Variants in VPS16 observed in about 807,000 individuals in gnomAD.
VPS16 encodes the protein VPS16 core subunit of CORVET and HOPS complexes, also known as vacuolar protein sorting-associated protein 16 homolog.
A neutral mutation model predicts 116.0 loss-of-function variants in VPS16; 82 were observed. The ratio of observed to expected loss-of-function variants is 0.71; its 90% CI spans 0.59 to 0.85. VPS16 has a LOEUF of 0.85. Ranked by LOEUF, VPS16 falls within the 40% of genes least tolerant of loss-of-function variation. The probability of loss-of-function intolerance (pLI) is 0.00; values close to 1 mark genes in which losing one functional copy is unlikely to be tolerated. For synonymous variants in VPS16, 406 were observed against 420.7 expected, an observed-to-expected ratio of 0.96 and a Z score of 0.43; for missense variants, 928 against 1,090.6, an observed-to-expected ratio of 0.85 and a Z score of 2.10.
At chr20:2,850,513 C>T (rs1196817219) in intron 1 of VPS16, among the ~76,000 whole-genome samples, 1 of 151,934 alleles carries the variant, frequency 6.6e-6, no homozygotes, top group African/African-American at 2.4e-5. Context: ...GTAGTTCCAG[C>T]TACTTGGGAG....
chr20:2,852,285 C>T (rs937902344), intron 1 of VPS16, among the ~76,000 whole-genome samples: 3 of 152,108 alleles, frequency 2.0e-5, no homozygotes, highest in Non-Finnish European at 4.4e-5. Flanking sequence ...GTGCAGTGTC[C>T]TTCCAGCGCC....
In VPS16 at chr20:2,860,709, C is replaced by G. The variant is rs770869693; in HGVS notation, c.515-39C>G. ...GACCCATAGAAACAGAAACGGTGGG[C>G]CTTGGTCATCCTAACACTGTCCTTT... On this transcript the variant is annotated intron_variant, in intron 5 of 23. Transcript: ENST00000380445. The surrounding 1 kb of genome is among the most constrained non-coding windows in gnomAD (Gnocchi z 6.1). 3 of 1,612,390 alleles carry G rather than the reference C, an allele frequency of 1.9e-6. No individual in the cohort carries two copies. In the Admixed American group the frequency reaches 5.0e-5, roughly 27 times the overall value.
At chr20:2,857,627 A>T (rs1349666750) in intron 1 of VPS16, among the ~76,000 whole-genome samples, 1 of 151,850 alleles carries the variant, frequency 6.6e-6, no homozygotes, top group Non-Finnish European at 1.5e-5. Flanking sequence ...CTCCTGCCTT[A>T]GCCTTCTGAG....
intron 1 of VPS16, among the ~76,000 whole-genome samples, chr20:2,856,849 A>G (rs959257070): frequency 6.6e-6 from 1 of 152,156 alleles, no homozygotes; most frequent in Non-Finnish European, 1.5e-5. Flanking sequence ...AGTTTTAATT[A>G]ATTTTATATA....
At chr20:2,854,569 G>A (rs965984860) in intron 1 of VPS16, among the ~76,000 whole-genome samples, 4 of 151,980 alleles carry the variant, frequency 2.6e-5, no homozygotes, top group Admixed American at 2.0e-4. Flanking sequence ...TGAGGCAGGC[G>A]AATCACTTGA....
Position 2,863,839 on chromosome 20 carries a change from AGAAGGAAGGGAG to A in VPS16, c.1477-108_1477-97del. 7.0e-7 allele frequency: 1 copy of A among 1,421,208 alleles called. No individual in the cohort carries two copies. The highest frequency in any genetic ancestry group is 1.4e-5 in the South Asian group (1 of 73,682). The allele number at this position is 1,421,208 out of a possible 1,614,324, so 88.0% of individuals were successfully genotyped here. ...GAAGAAAGAGAGAAAGAAAGAAAGA[AGAAGGAAGGGAG>A]GGAGGAAGGGAACTGAAGGGGTGGG... On this transcript the variant is annotated intron_variant, in intron 15 of 23. Coordinates refer to ENST00000380445, the MANE Select transcript of VPS16 (RefSeq NM_022575.4). The surrounding 1 kb of genome is among the most constrained non-coding windows in gnomAD (Gnocchi z 4.4).
chr20:2,862,899 G>A lies in VPS16; in HGVS notation c.1296G>A (p.Arg432=). The A allele has an allele frequency of 6.2e-7, 1 of 1,614,070 alleles. No homozygotes were observed. Among genetic ancestry groups the A allele is most frequent in the Non-Finnish European group, 8.5e-7 (1 of 1,180,010 alleles). The stretch of plus-strand genomic sequence containing the variant: ...ACCTGCGTGTGCTCAATGCTGTTCG[G>A]GACTATCACATCGGGATCCCGCTCA... The part of the protein sequence containing the change: ...CQDLRVLNAV[R]DYHIGIPLTY... Residue 432 remains arginine (R), a synonymous_variant, in exon 13 of 24, where the codon CGG becomes CGA. Transcript: ENST00000380445.
At chr20:2,862,964 T>C (rs201066558) in intron 13 of VPS16, 30 bp downstream of exon 13, 9 of 1,613,536 alleles carry the variant, frequency 5.6e-6, no homozygotes, top group Middle Eastern at 1.6e-4. Flanking sequence ...AAGGGTACCC[T>C]ACAGCCAGGG....
At position 2,863,227 on chromosome 20, in the gene VPS16, G is replaced by A. The variant is rs2146672819; in HGVS notation, c.1368-63G>A. 1.9e-6 allele frequency: 3 copies of A among 1,610,446 alleles called. No homozygotes were observed. Among genetic ancestry groups the A allele is most frequent in the South Asian group, 1.1e-5 (1 of 91,004 alleles). ...TGGGAGGCCTGATGTGCAGGCTGAG[G>A]CCACTCTGCTCCCTTTCTCCTCCAC... On this transcript the variant is annotated intron_variant, in intron 14 of 23. Coordinates refer to ENST00000380445, the MANE Select transcript of VPS16 (RefSeq NM_022575.4). The surrounding 1 kb of genome is among the most constrained non-coding windows in gnomAD (Gnocchi z 4.4).
At position 2,866,638 on chromosome 20, in the gene VPS16, G is replaced by A. The variant is rs2089354056; in HGVS notation, c.*64G>A. ...CCTAGCACCTGGGCTTGGCAGAAGG[G>A]CCATAGTTCATCCAGCTCCTCCCCT... On this transcript the variant is annotated 3_prime_UTR_variant, in exon 24 of 24. Coordinates refer to ENST00000380445, the MANE Select transcript of VPS16 (RefSeq NM_022575.4). 6.3e-7 allele frequency: 1 copy of A among 1,593,730 alleles called. No homozygotes were observed. Among genetic ancestry groups the A allele is most frequent in the African/African-American group, 1.3e-5 (1 of 74,460 alleles).
At chr20:2,855,778 A>G (rs576629058) in intron 1 of VPS16, among the ~76,000 whole-genome samples, 1 of 152,330 alleles carries the variant, frequency 6.6e-6, no homozygotes, top group African/African-American at 2.4e-5. Flanking sequence ...GCTAATTTCA[A>G]ACTTCTGCAG....
In VPS16 at chr20:2,848,505, A is replaced by G. The variant is rs545388786; in HGVS notation, c.53+7678A>G. 6.6e-4 allele frequency among the ~76,000 whole-genome samples: 101 copies of G among 152,338 alleles called. No individual in the cohort carries two copies. The South Asian group carries it at 7.9e-3, about 12-fold the overall frequency. On this transcript the variant is annotated intron_variant, in intron 1 of 23. Coordinates refer to ENST00000380445, the MANE Select transcript of VPS16 (RefSeq NM_022575.4). The stretch of plus-strand genomic sequence containing the variant: ...ATCTAGGCCCCAAATGGAGGAGATA[A>G]CACCATATAATCATCTCTGATTAAA...
Position 2,865,589 on chromosome 20 carries a change from G to C in VPS16, c.2271+94G>C. The C allele has an allele frequency of 8.5e-7, 1 of 1,170,600 alleles. No individual in the cohort carries two copies. 72.5% of individuals were successfully genotyped at this position (1,170,600 alleles called of 1,614,324 possible). A position where few individuals can be genotyped will look rare whatever the true frequency, so the allele number is the denominator to read the frequency against. ...GAGACAGATAGGATGGCCCGTTCAT[G>C]CTCCTGTTCAGCTGCCCGCATAGTT... On this transcript the variant is annotated intron_variant, in intron 22 of 23. Coordinates refer to ENST00000380445, the MANE Select transcript of VPS16 (RefSeq NM_022575.4). This position sits in a 1 kb window ranked among gnomAD's most constrained non-coding sequence, Gnocchi z 5.2.
Position 2,840,813 on chromosome 20 carries a change from C to T in VPS16, c.39C>T (p.Asp13=), listed in dbSNP as rs751133402. Residue 13 remains aspartate (D), a synonymous_variant, in exon 1 of 24, where the codon GAC becomes GAT. Transcript: ENST00000380445. The part of the protein sequence containing the change: ...CYTANWNPLG[D]SAFYRKYELY... ...CGGCGAACTGGAACCCACTCGGGGA[C>T]TCTGCCTTTTACCGGTGAGCTGCCC... The T allele has an allele frequency of 2.4e-5, 37 of 1,548,092 alleles. No homozygotes were observed. The highest frequency in any genetic ancestry group is 3.1e-5 in the Non-Finnish European group (36 of 1,146,564).
intron 1 of VPS16, among the ~76,000 whole-genome samples, chr20:2,850,387 G>C (rs2089105857): frequency 6.6e-6 from 1 of 152,058 alleles, no homozygotes; most frequent in Admixed American, 6.6e-5. Context: ...CCAGCACTTT[G>C]AGAGGCCGAG....
At chr20:2,853,635 T>G (rs2089143467) in intron 1 of VPS16, among the ~76,000 whole-genome samples, 1 of 152,098 alleles carries the variant, frequency 6.6e-6, no homozygotes, top group South Asian at 2.1e-4. Flanking sequence ...ATTTTGATAT[T>G]TTGACCTCCT....
At chr20:2,848,354 C>T (rs947160012) in intron 1 of VPS16, among the ~76,000 whole-genome samples, 1 of 152,122 alleles carries the variant, frequency 6.6e-6, no homozygotes, top group African/African-American at 2.4e-5. Context: ...GGTGATCCAC[C>T]CACCTCAGCC....
intron 1 of VPS16, 51 bp from the exon 2 acceptor site, chr20:2,859,668 A>G (rs1485733963): frequency 1.9e-6 from 3 of 1,592,152 alleles, no homozygotes; most frequent in Non-Finnish European, 2.6e-6. Flanking sequence ...GGTTCACTCC[A>G]TACGGATGCA....
intron 12 of VPS16, 48 bp from the exon 13 acceptor site, chr20:2,862,759 G>GGGGGGGGGGGGGGGGGGGGGGGGGGGGGC (rs2146670407): frequency 1.3e-5 from 10 of 777,182 alleles, no homozygotes; most frequent in Middle Eastern, 2.8e-4. Context: ...GAGGGGGTGG[G>GGGGGGGGGGGGGGGGGGGGGGGGGGGGGC]ATGGGCAGCA....
Sources: allele counts gnomAD v4.1 joint callset (sites outside exome capture counted in the v4.1 genomes callset), GRCh38; gene constraint gnomAD v4.1.1; non-coding constraint Gnocchi (gnomAD v3.1); transcripts MANE v1.5; gene names NCBI Gene and HGNC (gene_info 2026-07-23, HGNC 2026-07-21).